Variants in TTN observed in about 807,000 individuals in gnomAD.
TTN encodes connectin.
A neutral mutation model predicts 3,223.0 loss-of-function variants in TTN; 1,525 were observed. The observed-to-expected ratio is 0.47, with a 90% CI of 0.45 to 0.49. TTN has a LOEUF of 0.49. TTN is among the 20% of genes least tolerant of loss of function. The probability of loss-of-function intolerance (pLI) is 0.00; values close to 1 mark genes in which losing one functional copy is unlikely to be tolerated. For synonymous variants in TTN, 14,094 were observed against 15,161.0 expected (o/e 0.93, Z 5.17); for missense variants, 40,786 against 43,424.0 (o/e 0.94, Z 5.40).
chr2:178,725,596 G>C lies in TTN; in HGVS notation c.20608C>G (p.Pro6870Ala). The change falls in exon 71 of 363, where the codon CCT becomes GCT. Residue 6870 changes from proline (P) to alanine (A), a missense_variant. Pro to Ala is a conservative substitution (Grantham distance 27). Transcript: ENST00000589042. Reference sequence around the variant, plus strand: ...TCTATGGATGCTTGTAATTCAGCAGGCTCTCCGGCTACAACAGTGAGGCTG... The same window carrying C: ...TCTATGGATGCTTGTAATTCAGCAGCCTCTCCGGCTACAACAGTGAGGCTG... ...LNSLTVVAGE[P>A]AELQASIEGA... is the part of the protein sequence containing the mutation. 1 of 1,610,324 alleles carries C rather than the reference G, an allele frequency of 6.2e-7. No individual in the cohort carries two copies. Among genetic ancestry groups the C allele is most frequent in the Non-Finnish European group, 8.5e-7 (1 of 1,178,028 alleles).
Position 178,799,548 on chromosome 2 carries a change from G to A in TTN, c.853C>T (p.Pro285Ser), listed in dbSNP as rs1346626001. Residue 285 changes from proline (P) to serine (S), a missense_variant, in exon 6 of 363, where the codon CCC (proline) becomes TCC (serine). Physicochemically the swap from Pro to Ser is moderately conservative, Grantham distance 74. Transcript: ENST00000589042. ...AQLARQQSPSPIRHSPSPVRH... is the reference protein window; with the variant it reads ...AQLARQQSPSSIRHSPSPVRH... ...ACCGGGGAAGGGGAGTGTCTTATGGGCGATGGGGACTGCTGCCGAGCCAGC... is the reference window on the plus strand; with the variant it reads ...ACCGGGGAAGGGGAGTGTCTTATGGACGATGGGGACTGCTGCCGAGCCAGC... 6.2e-7 allele frequency: 1 copy of A among 1,614,196 alleles called. No individual in the cohort carries two copies. Among genetic ancestry groups the A allele is most frequent in the South Asian group, 1.1e-5 (1 of 91,086 alleles).
At chr2:178,527,873 G>GC in intron 361 of TTN, 125 bp from the exon 362 acceptor site, 1 of 898,010 alleles carries the variant, frequency 1.1e-6, no homozygotes, top group Non-Finnish European at 1.6e-6. Context: ...ACAATTTGCT[G>GC]TTGAAGCATA....
chr2:178,601,545 T>C lies in TTN; in HGVS notation c.55452A>G (p.Lys18484=), dbSNP rs551509361. 4.3e-6 allele frequency: 7 copies of C among 1,612,016 alleles called. No individual in the cohort carries two copies. Among genetic ancestry groups the C allele is most frequent in the Non-Finnish European group, 5.9e-6 (7 of 1,178,664 alleles). The part of the protein sequence containing the change: ...VKVMDVPGPP[K]DLKVSDITRG... The stretch of plus-strand genomic sequence containing the variant: ...TTGTGATATCACTGACTTTCAGATC[T>C]TTGGGTGGGCCTGGTACATCTGTTG... Residue 18484 remains lysine, a synonymous_variant, in exon 287 of 363, where the codon AAA becomes AAG. Coordinates refer to ENST00000589042, the MANE Select transcript of TTN (RefSeq NM_001267550.2).
rs369671334 is a variant in TTN, at chr2:178,573,801, C to G, written c.72331G>C (p.Ala24111Pro). The part of the protein sequence containing the change: ...TLTATNPGGF[A>P]KHIFNVKVLD... ...ACTTTGACATTGAAAATGTGTTTAG[C>G]AAAGCCACCAGGATTAGTCGCTGTA... is the stretch of plus-strand genomic sequence containing the variant. Residue 24111 changes from alanine to proline, a missense_variant, in exon 326 of 363, where the codon GCT (alanine) becomes CCT (proline). Physicochemically the swap from Ala to Pro is conservative, Grantham distance 27 (BLOSUM62 -1). Coordinates refer to ENST00000589042, the MANE Select transcript of TTN (RefSeq NM_001267550.2). 73 of 1,610,732 alleles carry G rather than the reference C, an allele frequency of 4.5e-5. No homozygotes were observed. The highest frequency in any genetic ancestry group is 6.7e-5 in the Admixed American group (4 of 59,712).
chr2:178,586,576 G>A lies in TTN; in HGVS notation c.64325C>T (p.Ala21442Val), dbSNP rs769108408. The A allele has an allele frequency of 1.9e-5, 31 of 1,613,008 alleles. No individual in the cohort carries two copies. Among genetic ancestry groups the A allele is most frequent in the African/African-American group, 4.0e-5 (3 of 74,864 alleles). Reference sequence around the variant, plus strand: ...ACTGACTCCAACAGCATTTCTGGCCGCTACTCTAAATTTGTATTTCTTTCC... The same window carrying A: ...ACTGACTCCAACAGCATTTCTGGCCACTACTCTAAATTTGTATTTCTTTCC... ...KEGKKYKFRV[A>V]ARNAVGVSLP... is the part of the protein sequence containing the mutation. Residue 21442 changes from alanine (A) to valine (V), a missense_variant, in exon 308 of 363, where the codon GCG becomes GTG. Physicochemically the swap from Ala to Val is moderately conservative, Grantham distance 64. Coordinates refer to ENST00000589042, the MANE Select transcript of TTN (RefSeq NM_001267550.2).
intron 1 of TTN, among the ~76,000 whole-genome samples, chr2:178,805,718 T>C (rs1240271758): frequency 1.3e-5 from 2 of 152,222 alleles, no homozygotes; most frequent in Non-Finnish European, 1.5e-5. Flanking sequence ...TTTATTATAG[T>C]TCTGAAAGAA....
At position 178,542,905 on chromosome 2, in the gene TTN, G is replaced by C. The variant is rs779019939; in HGVS notation, c.96949C>G (p.His32317Asp). 3 of 1,612,960 alleles carry C rather than the reference G, an allele frequency of 1.9e-6. No homozygotes were observed. Among genetic ancestry groups the C allele is most frequent in the Non-Finnish European group, 2.5e-6 (3 of 1,179,164 alleles). The change falls in exon 348 of 363, where the codon CAT (histidine) becomes GAT (aspartate). Residue 32317 changes from histidine to aspartate, a missense_variant. Physicochemically the swap from His to Asp is moderately conservative, Grantham distance 81. Coordinates refer to ENST00000589042, the MANE Select transcript of TTN (RefSeq NM_001267550.2). ...DLSTMPQKTI[H>D]VPAGRPVELV... is the part of the protein sequence containing the mutation. Reference sequence around the variant, plus strand: ...TCTACTGGTCTGCCAGCTGGGACATGGATGGTCTTCTGAGGCATTGTAGAA... The same window carrying C: ...TCTACTGGTCTGCCAGCTGGGACATCGATGGTCTTCTGAGGCATTGTAGAA...
In TTN at chr2:178,804,572, G is replaced by C. The variant is rs536235994; in HGVS notation, c.71C>G (p.Thr24Ser). 17 of 1,613,984 alleles carry C rather than the reference G, an allele frequency of 1.1e-5. No homozygotes were observed. The highest frequency in any genetic ancestry group is 6.7e-5 in the Admixed American group (4 of 60,016). ...SVVVLEGSTA[T>S]FEAHISGFPV... ...CTTACCACTAATGTGAGCCTCAAAG[G>C]TTGCGGTACTACCCTCCAGTACCAC... The change falls in exon 2 of 363, where the codon ACC (threonine) becomes AGC (serine). Residue 24 changes from threonine to serine, a missense_variant. By Grantham distance (58) the Thr-to-Ser change is moderately conservative. Transcript: ENST00000589042.
intron 49 of TTN, 85 bp downstream of exon 49, chr2:178,737,997 A>T: frequency 6.5e-7 from 1 of 1,532,318 alleles, no homozygotes; most frequent in Non-Finnish European, 8.8e-7. Context: ...TGGTAATACA[A>T]GCATTTCCCA....
In TTN at chr2:178,799,891, A is replaced by G; in HGVS notation, c.603T>C (p.Ala201=). ...LLVQGEEEVP[A]KKTKTIVSTA... The stretch of plus-strand genomic sequence containing the variant: ...TCGAAACAATTGTCTTTGTCTTTTT[A>G]GCAGGTACTTCTTCTTCACCTGTGG... The change falls in exon 5 of 363, where the codon GCT becomes GCC. Residue 201 remains alanine, a synonymous_variant. Transcript: ENST00000589042. 6.2e-7 allele frequency: 1 copy of G among 1,614,128 alleles called. No individual in the cohort carries two copies. Among genetic ancestry groups the G allele is most frequent in the Non-Finnish European group, 8.5e-7 (1 of 1,180,008 alleles).
intron 33 of TTN, 52 bp from the exon 34 acceptor site, chr2:178,771,523 G>T: frequency 1.2e-6 from 2 of 1,608,572 alleles, no homozygotes; most frequent in Non-Finnish European, 1.7e-6. Flanking sequence ...TTCACACAAT[G>T]GGAAAATCTT....
chr2:178,774,237 T>G lies in TTN; in HGVS notation c.7027A>C (p.Lys2343Gln). The change falls in exon 30 of 363, where the codon AAA becomes CAA. Residue 2343 changes from lysine to glutamine, a missense_variant. Coordinates refer to ENST00000589042, the MANE Select transcript of TTN (RefSeq NM_001267550.2). ...ATCTTTAATTTACAGGTTGTCTTTTTCCCGTCGATGACAAAGCTGTATTCT... is the reference window on the plus strand; with the variant it reads ...ATCTTTAATTTACAGGTTGTCTTTTGCCCGTCGATGACAAAGCTGTATTCT... The part of the protein sequence containing the change: ...QGEYSFVIDG[K>Q]KTTCKLKMKP... The G allele has an allele frequency of 6.2e-7, 1 of 1,614,094 alleles. No homozygotes were observed. Among genetic ancestry groups the G allele is most frequent in the Non-Finnish European group, 8.5e-7 (1 of 1,179,970 alleles).
At chr2:178,606,794 G>A (rs1171046709) in intron 278 of TTN, among the ~76,000 whole-genome samples, 1 of 151,854 alleles carries the variant, frequency 6.6e-6, no homozygotes, top group Non-Finnish European at 1.5e-5. Context: ...AAGTTTTTCA[G>A]TACAAGAAAC....
rs869312113 is a variant in TTN at position 178,576,751 on chromosome 2, CCA to C, written c.69491_69492del (p.Val23164GlyfsTer2). On this transcript the variant is annotated frameshift_variant, in exon 325 of 363. Coordinates refer to ENST00000589042, the MANE Select transcript of TTN (RefSeq NM_001267550.2). LOFTEE classifies it high-confidence loss of function. The surrounding 1 kb of genome is among the most constrained non-coding windows in gnomAD (Gnocchi z 4.3). ...NTATVSWKRP[V>X]DDGGSEITGY... ...CCTGTAATTTCGCTGCCACCATCATCCACTGGCCTTTTCCAGCTGACAGTGGC... is the reference window on the plus strand; with the variant it reads ...CCTGTAATTTCGCTGCCACCATCATCCTGGCCTTTTCCAGCTGACAGTGGC... 3.7e-6 allele frequency: 6 copies of C among 1,613,504 alleles called. No homozygotes were observed. Among genetic ancestry groups the C allele is most frequent in the Non-Finnish European group, 4.2e-6 (5 of 1,179,622 alleles).
chr2:178,653,008 A>T, intron 199 of TTN, 33 bp downstream of exon 199: 1 of 1,604,704 alleles, frequency 6.2e-7, no homozygotes, highest in Non-Finnish European at 8.5e-7. Context: ...TGAAGAGTTC[A>T]GTCTTCTGAA....
rs757301019 is a variant in TTN, at chr2:178,746,182, G to A, written c.11312-4261C>T. 2.5e-6 allele frequency: 4 copies of A among 1,613,268 alleles called. No homozygotes were observed. In the Admixed American group the frequency reaches 6.7e-5, roughly 27 times the overall value. ...TATACCACTTAACTTCGGGAGTCGG[G>A]ATCCCTATGACTGAACATTTGAATA... On this transcript the variant is annotated intron_variant, in intron 47 of 362. Coordinates refer to ENST00000589042, the MANE Select transcript of TTN (RefSeq NM_001267550.2).
At position 178,730,357 on chromosome 2, in the gene TTN, C is replaced by T. The variant is rs753892185; in HGVS notation, c.18043G>A (p.Val6015Met). 2 of 1,603,658 alleles carry T rather than the reference C, an allele frequency of 1.2e-6. No individual in the cohort carries two copies. The highest frequency in any genetic ancestry group is 1.3e-5 in the African/African-American group (1 of 74,614). The change falls in exon 62 of 363, where the codon GTG becomes ATG. Residue 6015 changes from valine (V) to methionine (M), a missense_variant. Val to Met is a conservative substitution (Grantham distance 21). Coordinates refer to ENST00000589042, the MANE Select transcript of TTN (RefSeq NM_001267550.2). ...HLTVKEPPYF[V>M]EKPQSQDVNP... ...ACATCTTGTGACTGTGGCTTTTCCA[C>T]AAAGTAAGGGGGTTCTGAGGTGAAA...
intron 1 of TTN, among the ~76,000 whole-genome samples, chr2:178,806,866 G>A (rs1212659324): frequency 6.6e-6 from 1 of 152,134 alleles, no homozygotes; most frequent in Non-Finnish European, 1.5e-5. Context: ...CTTTATCATT[G>A]AGTAATATAA....
At chr2:178,529,319 T>G (rs1465787932) in intron 359 of TTN, 100 bp from the exon 360 acceptor site, 1 of 919,188 alleles carries the variant, frequency 1.1e-6, no homozygotes, top group Non-Finnish European at 1.5e-6. Context: ...AGAAAAAAAG[T>G]CAACTTCTTC....
Sources: gnomAD v4.1 joint callset for allele counts (sites outside exome capture counted in the v4.1 genomes callset) on GRCh38, gnomAD v4.1.1 for gene constraint, Gnocchi (gnomAD v3.1) non-coding constraint, MANE v1.5 for transcripts, NCBI Gene and HGNC (gene_info 2026-07-23, HGNC 2026-07-21) for gene names.